The following SEMA5A variants were observed in gnomAD, a reference collection of about 807,000 sequenced individuals.
The protein encoded by SEMA5A is semaphorin 5A.
In SEMA5A, 55 loss-of-function variants were observed where a neutral mutation model predicts 135.5. That is an observed-to-expected ratio of 0.41 (90% CI 0.33 to 0.51). The LOEUF is 0.51. Ranked by LOEUF, SEMA5A falls within the 20% of genes least tolerant of loss-of-function variation. The pLI is 0.37. For missense variants in SEMA5A, 1,290 were observed against 1,419.9 expected, an observed-to-expected ratio of 0.91 and a Z score of 1.47; for synonymous variants, 580 against 546.5, an observed-to-expected ratio of 1.06 and a Z score of -0.85.
chr5:9,277,407 C>T (rs1750317785), intron 5 of SEMA5A, among the ~76,000 whole-genome samples: 1 of 152,132 alleles, frequency 6.6e-6, no homozygotes, highest in African/African-American at 2.4e-5. Context: ...GACAGTGTGG[C>T]AATTCCTGAA....
At chr5:9,118,855 AAGAAGAGGACG>A in intron 15 of SEMA5A, 132 bp downstream of exon 15, 1 of 1,070,288 alleles carries the variant, frequency 9.3e-7, no homozygotes, top group Non-Finnish European at 1.3e-6. Flanking sequence ...ATGCCAGGAA[AAGAAGAGGACG>A]ACTGGCTCAG....
intron 16 of SEMA5A, among the ~76,000 whole-genome samples, chr5:9,098,726 T>A (rs1434838648): frequency 6.6e-6 from 1 of 152,246 alleles, no homozygotes; most frequent in Non-Finnish European, 1.5e-5. Context: ...AAATATTTTT[T>A]AAATTGTGGC....
Position 9,229,561 on chromosome 5 carries a change from G to A in SEMA5A, c.334-2594C>T, listed in dbSNP as rs556716687. On this transcript the variant is annotated intron_variant, in intron 6 of 22. Coordinates refer to ENST00000382496, the MANE Select transcript of SEMA5A (RefSeq NM_003966.3). ...GACATCTTCCAGAACACAGGGCTGA[G>A]CAAGCTGATGGACTTAATGGATGAC... 4.0e-4 allele frequency among the ~76,000 whole-genome samples: 61 copies of A among 152,282 alleles called. 2 individuals are homozygous for A. The highest frequency in any genetic ancestry group is 3.4e-3 in the Middle Eastern group (1 of 294).
Position 9,257,283 on chromosome 5 carries a change from G to A in SEMA5A, c.271-19393C>T, listed in dbSNP as rs147321541. Among the ~76,000 whole-genome samples, 31 of 152,270 alleles carry A rather than the reference G, an allele frequency of 2.0e-4. No homozygotes were observed. In the East Asian group the frequency reaches 4.8e-3, roughly 24 times the overall value. On this transcript the variant is annotated intron_variant, in intron 5 of 22. Transcript: ENST00000382496. The stretch of plus-strand genomic sequence containing the variant: ...ATCATCTCTATGACCTTCTCACAGC[G>A]TCTTGTATTGGAGACATTTCAATTG...
intron 13 of SEMA5A, among the ~76,000 whole-genome samples, chr5:9,127,052 C>T (rs1033171724): frequency 6.6e-6 from 1 of 152,142 alleles, no homozygotes. Context: ...GTAAGTTTTC[C>T]TTGCCTCAAA....
chr5:9,062,400 T>C (rs148865976), intron 18 of SEMA5A, among the ~76,000 whole-genome samples: 31 of 152,338 alleles, frequency 2.0e-4, no homozygotes, highest in Non-Finnish European at 4.3e-4. Context: ...GGTTTCTTTT[T>C]CTTTCCTTTT....
chr5:9,268,588 A>C (rs1389021501), intron 5 of SEMA5A, among the ~76,000 whole-genome samples: 2 of 152,212 alleles, frequency 1.3e-5, no homozygotes, highest in African/African-American at 4.8e-5. Flanking sequence ...ATGCCATCTT[A>C]ATAAATACTA....
At chr5:9,064,561 G>A (rs1049695838) in intron 17 of SEMA5A, among the ~76,000 whole-genome samples, 1 of 151,900 alleles carries the variant, frequency 6.6e-6, no homozygotes, top group Admixed American at 6.6e-5. Flanking sequence ...CCCAAACACT[G>A]CATGTTCTCA....
intron 5 of SEMA5A, among the ~76,000 whole-genome samples, chr5:9,285,196 T>C (rs1051417393): frequency 3.3e-5 from 5 of 152,202 alleles, no homozygotes; most frequent in African/African-American, 9.7e-5. Flanking sequence ...ACTCTACAAA[T>C]GATTTCTAAC....
chr5:9,163,264 TAA>T (rs3839317), intron 11 of SEMA5A, among the ~76,000 whole-genome samples: 14 of 146,858 alleles, frequency 9.5e-5, no homozygotes, highest in Admixed American at 1.4e-4. Context: ...CTGTTTCATT[TAA>T]AAAAAAAAAG....
intron 1 of SEMA5A, among the ~76,000 whole-genome samples, chr5:9,440,425 A>G (rs1411165344): frequency 2.0e-5 from 3 of 152,140 alleles, no homozygotes; most frequent in Non-Finnish European, 1.5e-5. Flanking sequence ...TCTCTATTTG[A>G]CTCAATTCCA....
intron 16 of SEMA5A, among the ~76,000 whole-genome samples, chr5:9,097,086 T>C (rs253643): frequency 0.041 from 6,181 of 152,144 alleles, 447 homozygotes; most frequent in African/African-American, 0.14. Flanking sequence ...AAATTTACTT[T>C]AAAAAGAGGG....
intron 8 of SEMA5A, 31 bp from the exon 9 acceptor site, chr5:9,202,271 T>C (rs747563028): frequency 8.2e-5 from 132 of 1,601,842 alleles, no homozygotes; most frequent in Non-Finnish European, 1.1e-4. Context: ...GGAAAAAATC[T>C]CAACATTCAT....
chr5:9,353,989 G>C (rs562917583), intron 3 of SEMA5A, among the ~76,000 whole-genome samples: 1,897 of 137,762 alleles, frequency 0.014, 21 homozygotes, highest in Middle Eastern at 0.027. Context: ...AAAAAAAAAA[G>C]AAACAAAAGC....
intron 5 of SEMA5A, among the ~76,000 whole-genome samples, chr5:9,244,028 C>G (rs1349442346): frequency 1.3e-5 from 2 of 152,108 alleles, no homozygotes; most frequent in Non-Finnish European, 2.9e-5. Flanking sequence ...ATGTCTAAAG[C>G]CTCTGGGCCC....
intron 11 of SEMA5A, among the ~76,000 whole-genome samples, chr5:9,160,555 CA>C (rs1411776467): frequency 2.0e-5 from 3 of 152,192 alleles, no homozygotes; most frequent in Admixed American, 6.5e-5. Flanking sequence ...CTCGAACAAG[CA>C]AAGGGCTTCA....
chr5:9,265,531 C>T, intron 5 of SEMA5A: 1 of 456,412 alleles, frequency 2.2e-6, no homozygotes, highest in South Asian at 1.5e-5. Flanking sequence ...GTGCGGTCCT[C>T]CTGCTCCAGG....
At chr5:9,325,321 T>G (rs1338815682) in intron 4 of SEMA5A, among the ~76,000 whole-genome samples, 1 of 151,474 alleles carries the variant, frequency 6.6e-6, no homozygotes, top group Non-Finnish European at 1.5e-5. Context: ...CTTTTAGGAG[T>G]AATAACATAT....
intron 5 of SEMA5A, among the ~76,000 whole-genome samples, chr5:9,304,413 C>T (rs1751758967): frequency 6.6e-6 from 1 of 151,914 alleles, no homozygotes; most frequent in Non-Finnish European, 1.5e-5. Flanking sequence ...TCTGATTTGT[C>T]CTTTTCATGT....
Sources: allele counts gnomAD v4.1 joint callset (sites outside exome capture counted in the v4.1 genomes callset), GRCh38; gene constraint gnomAD v4.1.1; transcripts MANE v1.5; gene names NCBI Gene and HGNC (gene_info 2026-07-23, HGNC 2026-07-21).